ALMS1: variants seen among roughly 807,000 people sequenced by gnomAD.
ALMS1 encodes the protein ALMS1 centrosome and basal body associated protein, also known as centrosome-associated protein ALMS1.
ALMS1 carries 271 observed loss-of-function variants against 352.2 expected under a neutral mutation model. The observed-to-expected ratio is 0.77, with a 90% CI of 0.70 to 0.85. The LOEUF (loss-of-function observed/expected upper bound fraction) is 0.85, where lower values mean the gene tolerates loss of function less well. Ranked by LOEUF, ALMS1 falls within the 40% of genes least tolerant of loss-of-function variation. The pLI, the probability that ALMS1 is intolerant of heterozygous loss-of-function variation, is 0.00. For missense variants in ALMS1, 5,445 were observed against 4,870.7 expected, an observed-to-expected ratio of 1.12 and a Z score of -3.51; for synonymous variants, 1,865 against 1,761.2, an observed-to-expected ratio of 1.06 and a Z score of -1.48.
At chr2:73,510,399 G>A (rs1025575286) in intron 10 of ALMS1, among the ~76,000 whole-genome samples, 2 of 152,210 alleles carry the variant, frequency 1.3e-5, no homozygotes, top group Non-Finnish European at 2.9e-5. Context: ...GAGTTTTTGC[G>A]TGGTCGTTCT....
chr2:73,416,942 T>A (rs2103695832), intron 2 of ALMS1, among the ~76,000 whole-genome samples: 1 of 152,024 alleles, frequency 6.6e-6, no homozygotes, highest in African/African-American at 2.4e-5. Context: ...CTACAAAAAT[T>A]TTTAAAAAAT....
At chr2:73,386,947 G>T (rs146750092) in intron 1 of ALMS1, among the ~76,000 whole-genome samples, 1 of 152,276 alleles carries the variant, frequency 6.6e-6, no homozygotes, top group East Asian at 1.9e-4. Context: ...CACTGGCCAC[G>T]TGTGGCTTTT....
chr2:73,465,000 C>T (rs1481307740), intron 9 of ALMS1, among the ~76,000 whole-genome samples: 79 of 149,232 alleles, frequency 5.3e-4, no homozygotes, highest in African/African-American at 1.6e-3. Flanking sequence ...GAATCAATAT[C>T]GTGAAAATGG....
intron 11 of ALMS1, among the ~76,000 whole-genome samples, chr2:73,527,662 G>C (rs948667425): frequency 2.6e-5 from 4 of 151,718 alleles, no homozygotes; most frequent in Admixed American, 2.0e-4. Context: ...ATTTTTCTTA[G>C]TCTGGCTAAA....
In ALMS1 at chr2:73,449,474, G is replaced by A; in HGVS notation, c.2947G>A (p.Ala983Thr). 2 of 1,614,038 alleles carry A rather than the reference G, an allele frequency of 1.2e-6. No homozygotes were observed. Among genetic ancestry groups the A allele is most frequent in the Non-Finnish European group, 1.7e-6 (2 of 1,179,970 alleles). The stretch of plus-strand genomic sequence containing the variant: ...ACCTAGAGAATCTCTGAAAATGTCT[G>A]CTATTCCTGGACTGACTGACCAGAA... ...DLPRESLKMS[A>T]IPGLTDQKTV... The change falls in exon 8 of 23, where the codon GCT becomes ACT. Residue 983 changes from alanine (A) to threonine (T), a missense_variant. Physicochemically the swap from Ala to Thr is moderately conservative, Grantham distance 58 (BLOSUM62 0). Transcript: ENST00000613296.
intron 7 of ALMS1, among the ~76,000 whole-genome samples, chr2:73,443,348 A>G (rs1671752696): frequency 6.6e-6 from 1 of 152,032 alleles, no homozygotes; most frequent in Admixed American, 6.6e-5. Flanking sequence ...GATCTCATAG[A>G]TGCTATTTTC....
At chr2:73,525,779 A>T (rs1673778686) in intron 11 of ALMS1, among the ~76,000 whole-genome samples, 1 of 151,912 alleles carries the variant, frequency 6.6e-6, no homozygotes, top group South Asian at 2.1e-4. Context: ...TTTTAACTTG[A>T]TGTGATCACA....
chr2:73,606,555 T>G (rs1236286009), intron 21 of ALMS1, among the ~76,000 whole-genome samples: 2 of 152,264 alleles, frequency 1.3e-5, no homozygotes, highest in Non-Finnish European at 1.5e-5. Flanking sequence ...GTGCCCATCT[T>G]CTGGAGAGAC....
At chr2:73,493,790 A>C (rs1003470612) in intron 10 of ALMS1, among the ~76,000 whole-genome samples, 2 of 152,194 alleles carry the variant, frequency 1.3e-5, no homozygotes, top group Admixed American at 6.5e-5. Context: ...ATATATTCAA[A>C]CTTTTTCATT....
chr2:73,451,811 A>G lies in ALMS1; in HGVS notation c.5284A>G (p.Thr1762Ala), dbSNP rs545349239. ...TGTAACTTCCTCTTTCTATTCACAT[A>G]CAGAGAAGCCTAATATTTCTTACCA... is the stretch of plus-strand genomic sequence containing the variant. ...STVTSSFYSH[T>A]EKPNISYQQE... The change falls in exon 8 of 23, where the codon ACA becomes GCA. Residue 1762 changes from threonine (T) to alanine (A), a missense_variant. By Grantham distance (58) the Thr-to-Ala change is moderately conservative. Transcript: ENST00000613296. 10 of 1,614,020 alleles carry G rather than the reference A, an allele frequency of 6.2e-6. No homozygotes were observed. In the East Asian group the frequency reaches 2.0e-4, roughly 32 times the overall value.
At chr2:73,533,019 C>G (rs1018768790) in intron 11 of ALMS1, among the ~76,000 whole-genome samples, 1 of 152,152 alleles carries the variant, frequency 6.6e-6, no homozygotes, top group Non-Finnish European at 1.5e-5. Context: ...TAGAAATGTC[C>G]AGGAACTAGG....
Position 73,449,703 on chromosome 2 carries a change from T to C in ALMS1, c.3176T>C (p.Leu1059Ser). ...SYPQREKPSVLYPQVLSDSHL... is the reference protein window; with the variant it reads ...SYPQREKPSVSYPQVLSDSHL... Reference sequence around the variant, plus strand: ...CCACAGAGGGAGAAGCCTAGTGTTTTGTACCCACAGGTGTTATCAGACAGT... The same window carrying C: ...CCACAGAGGGAGAAGCCTAGTGTTTCGTACCCACAGGTGTTATCAGACAGT... Residue 1059 changes from leucine to serine, a missense_variant, in exon 8 of 23, where the codon TTG becomes TCG. Physicochemically the swap from Leu to Ser is moderately radical, Grantham distance 145. Transcript: ENST00000613296. 6.2e-7 allele frequency: 1 copy of C among 1,614,120 alleles called. No homozygotes were observed. The highest frequency in any genetic ancestry group is 8.5e-7 in the Non-Finnish European group (1 of 1,179,994).
rs548574576 is a variant in ALMS1 at position 73,385,852 on chromosome 2, C to T, written c.-17C>T. 10 of 721,162 alleles carry T rather than the reference C, an allele frequency of 1.4e-5. No homozygotes were observed. The South Asian group carries it at 1.5e-4, about 11-fold the overall frequency. 44.7% of individuals were successfully genotyped at this position (721,162 alleles called of 1,614,324 possible). The stretch of plus-strand genomic sequence containing the variant: ...CCCCTCCTCCTCCTCCTCTGCCGCC[C>T]AGAGCGAGACACCAACATGGAGCCC... On this transcript the variant is annotated 5_prime_UTR_variant, in exon 1 of 23. Coordinates refer to ENST00000613296, the MANE Select transcript of ALMS1 (RefSeq NM_001378454.1).
intron 9 of ALMS1, among the ~76,000 whole-genome samples, chr2:73,461,243 C>G (rs1672193636): frequency 6.6e-6 from 1 of 152,204 alleles, no homozygotes. Flanking sequence ...GACAAAACTT[C>G]CAGAGGAATG....
At chr2:73,534,449 T>C (rs1020896792) in intron 11 of ALMS1, among the ~76,000 whole-genome samples, 2 of 152,140 alleles carry the variant, frequency 1.3e-5, no homozygotes, top group African/African-American at 2.4e-5. Context: ...GAGTCATCTA[T>C]ATATGGAATG....
rs772752104 is a variant in ALMS1 at position 73,453,953 on chromosome 2, G to A, written c.7426G>A (p.Val2476Ile). The change falls in exon 8 of 23, where the codon GTA (valine) becomes ATA (isoleucine). Residue 2476 changes from valine (V) to isoleucine (I), a missense_variant. By Grantham distance (29) the Val-to-Ile change is conservative (BLOSUM62 3). Transcript: ENST00000613296. ...GAGTGAGGATGGTGGTGGTAGCAGT[G>A]TAGATTCACTGGCTGCACATGTGAA... ...SESEDGGGSSVDSLAAHVKNL... is the reference protein window; with the variant it reads ...SESEDGGGSSIDSLAAHVKNL... 1.9e-6 allele frequency: 3 copies of A among 1,613,870 alleles called. No homozygotes were observed. Among genetic ancestry groups the A allele is most frequent in the African/African-American group, 2.7e-5 (2 of 74,908 alleles).
chr2:73,579,284 T>A lies in ALMS1; in HGVS notation c.11547+5860T>A, dbSNP rs533875826. On this transcript the variant is annotated intron_variant, in intron 16 of 22. Transcript: ENST00000613296. ...CATGTTGGCCAGGCTGGTCTTAAACTCACGACCTCAGGTGATCCACCTGCC... is the reference window on the plus strand; with the variant it reads ...CATGTTGGCCAGGCTGGTCTTAAACACACGACCTCAGGTGATCCACCTGCC... Among the ~76,000 whole-genome samples, 275 of 151,974 alleles carry A rather than the reference T, an allele frequency of 1.8e-3. 3 individuals carry two copies. The highest frequency in any genetic ancestry group is 6.3e-3 in the African/African-American group (260 of 41,396).
intron 7 of ALMS1, among the ~76,000 whole-genome samples, chr2:73,432,585 C>A (rs1008672463): frequency 6.6e-6 from 1 of 152,134 alleles, no homozygotes; most frequent in South Asian, 2.1e-4. Flanking sequence ...TCATAGATGA[C>A]ATGTTCCTCT....
chr2:73,498,338 G>A (rs1281788825), intron 10 of ALMS1, among the ~76,000 whole-genome samples: 1 of 151,924 alleles, frequency 6.6e-6, no homozygotes, highest in African/African-American at 2.4e-5. Flanking sequence ...TTTGATACAA[G>A]CATGCAGTGT....
Sources: gnomAD v4.1 joint callset for allele counts (sites outside exome capture counted in the v4.1 genomes callset) on GRCh38, gnomAD v4.1.1 for gene constraint, MANE v1.5 for transcripts, NCBI Gene and HGNC (gene_info 2026-07-23, HGNC 2026-07-21) for gene names.